TSC22D1: variants seen among roughly 807,000 people sequenced by gnomAD.
TSC22D1 encodes the protein TSC22 domain family protein 1.
In TSC22D1, 9 loss-of-function variants were observed where a neutral mutation model predicts 74.2. That is an observed-to-expected ratio of 0.12 (90% confidence interval 0.07 to 0.21). TSC22D1 has a LOEUF of 0.21. Ranked by LOEUF, TSC22D1 falls within the 10% of genes least tolerant of loss-of-function variation. The pLI is 1.00. For synonymous variants in TSC22D1, 586 were observed against 492.5 expected (o/e 1.19, Z -2.51); for missense variants, 1,427 against 1,304.7 (o/e 1.09, Z -1.44).
At position 44,573,942 on chromosome 13, in the gene TSC22D1, C is replaced by G. The variant is rs778679380; in HGVS notation, c.2133G>C (p.Gln711His). 2 of 1,614,172 alleles carry G rather than the reference C, an allele frequency of 1.2e-6. No individual in the cohort carries two copies. The highest frequency in any genetic ancestry group is 1.7e-6 in the Non-Finnish European group (2 of 1,180,044). ...CTGCTGCCGGAGCCTGGCCAACAGG[C>G]TGGACAGATGCCCCTGCAGGTTGTG... The part of the protein sequence containing the change: ...VPAQPAGASV[Q>H]PVGQAPAAVS... The change falls in exon 1 of 3, where the codon CAG (glutamine) becomes CAC (histidine). Residue 711 changes from glutamine to histidine, a missense_variant. Physicochemically the swap from Gln to His is conservative, Grantham distance 24. This residue lies in a region of TSC22D1 where 1,343 missense variants were observed against 1,191.5 expected (regional missense o/e 1.13). Coordinates refer to ENST00000458659, the MANE Select transcript of TSC22D1 (RefSeq NM_183422.4).
intron 1 of TSC22D1, among the ~76,000 whole-genome samples, chr13:44,541,515 T>C (rs1881465981): frequency 6.6e-6 from 1 of 152,200 alleles, no homozygotes; most frequent in Admixed American, 6.5e-5. Context: ...CAAATAATTA[T>C]GAAAGTACTT....
intron 1 of TSC22D1, among the ~76,000 whole-genome samples, chr13:44,552,409 G>A (rs183454375): frequency 3.0e-4 from 45 of 152,288 alleles, no homozygotes; most frequent in African/African-American, 1.1e-3. Context: ...ATTGAAGCAC[G>A]TAACAAACTG....
chr13:44,519,344 G>A (rs1029025294), intron 1 of TSC22D1, among the ~76,000 whole-genome samples: 40 of 152,038 alleles, frequency 2.6e-4, no homozygotes, highest in African/African-American at 7.7e-4. Flanking sequence ...ATGCTAATAA[G>A]CAATGGCAAA....
chr13:44,553,194 G>GT (rs1189691082), intron 1 of TSC22D1, among the ~76,000 whole-genome samples: 2 of 152,168 alleles, frequency 1.3e-5, no homozygotes, highest in East Asian at 3.9e-4. Context: ...CTCCAGGTCA[G>GT]TAACAGGTAT....
chr13:44,517,663 G>A (rs1414542028), intron 1 of TSC22D1, among the ~76,000 whole-genome samples: 2 of 147,260 alleles, frequency 1.4e-5, no homozygotes, highest in Non-Finnish European at 3.0e-5. Flanking sequence ...TGGCCAACAT[G>A]GTGAAACCCT....
chr13:44,549,559 G>C (rs937715727), intron 1 of TSC22D1, among the ~76,000 whole-genome samples: 2 of 152,070 alleles, frequency 1.3e-5, no homozygotes, highest in Admixed American at 1.3e-4. Flanking sequence ...GATCTCTTGA[G>C]CTCAGGAGTT....
intron 1 of TSC22D1, among the ~76,000 whole-genome samples, chr13:44,446,158 C>T (rs1875623504): frequency 1.3e-5 from 2 of 152,280 alleles, no homozygotes; most frequent in Admixed American, 1.3e-4. Flanking sequence ...TACATCTAGA[C>T]AATGCAATAA....
chr13:44,489,140 T>C (rs1275376136), intron 1 of TSC22D1, among the ~76,000 whole-genome samples: 1 of 151,140 alleles, frequency 6.6e-6, no homozygotes, highest in Non-Finnish European at 1.5e-5. Context: ...TTTCAAATAT[T>C]GGTGCTGAGT....
chr13:44,519,777 C>T (rs1052809454), intron 1 of TSC22D1, among the ~76,000 whole-genome samples: 8 of 151,948 alleles, frequency 5.3e-5, no homozygotes, highest in African/African-American at 1.9e-4. Flanking sequence ...CTCTTGCATC[C>T]AAGTTAGGAA....
rs550473436 is a variant in TSC22D1 at position 44,575,063 on chromosome 13, T to C, written c.1012A>G (p.Ile338Val). The change falls in exon 1 of 3, where the codon ATA becomes GTA. Residue 338 changes from isoleucine to valine, a missense_variant. Physicochemically the swap from Ile to Val is conservative, Grantham distance 29. Transcript: ENST00000458659. ...VTSSMLGNVN[I>V]STSNIPSAAG... ...GCACTAGGAATATTGCTTGTACTTA[T>C]ATTAACATTACCAAGCATGCTGCTT... The C allele has an allele frequency of 1.5e-5, 24 of 1,614,200 alleles. No homozygotes were observed. The highest frequency in any genetic ancestry group is 8.8e-5 in the South Asian group (8 of 91,084).
chr13:44,535,333 A>C lies in TSC22D1; in HGVS notation c.2912+37830T>G, dbSNP rs1252864835. Among the ~76,000 whole-genome samples, 4 of 152,216 alleles carry C rather than the reference A, an allele frequency of 2.6e-5. No homozygotes were observed. The East Asian group carries it at 7.7e-4, about 29-fold the overall frequency. On this transcript the variant is annotated intron_variant, in intron 1 of 2. Coordinates refer to ENST00000458659, the MANE Select transcript of TSC22D1 (RefSeq NM_183422.4). ...TAATGCAGTAATCTAATTACCTTAGATGTACATATTAGTGGAAAAAACACT... is the reference window on the plus strand; with the variant it reads ...TAATGCAGTAATCTAATTACCTTAGCTGTACATATTAGTGGAAAAAACACT...
chr13:44,555,509 G>A (rs1320294601), intron 1 of TSC22D1, among the ~76,000 whole-genome samples: 3 of 152,150 alleles, frequency 2.0e-5, no homozygotes, highest in Non-Finnish European at 4.4e-5. Context: ...AGGAGGCTGA[G>A]GCGGGAGAAC....
At chr13:44,506,371 C>T (rs915915932) in intron 1 of TSC22D1, among the ~76,000 whole-genome samples, 5 of 152,132 alleles carry the variant, frequency 3.3e-5, no homozygotes, top group South Asian at 2.1e-4. Context: ...CCTCACCAAA[C>T]TAATGCAGGA....
At chr13:44,537,222 G>C (rs1881201731) in intron 1 of TSC22D1, 1 of 896,804 alleles carries the variant, frequency 1.1e-6, no homozygotes, top group African/African-American at 1.8e-5. Flanking sequence ...GAAAAATATA[G>C]GACTTCATTT....
At chr13:44,488,089 A>G (rs1259370686) in intron 1 of TSC22D1, among the ~76,000 whole-genome samples, 1 of 152,198 alleles carries the variant, frequency 6.6e-6, no homozygotes, top group Non-Finnish European at 1.5e-5. Flanking sequence ...CTTTAATAAC[A>G]TAAAAGATAT....
intron 1 of TSC22D1, among the ~76,000 whole-genome samples, chr13:44,513,212 T>C (rs986820235): frequency 1.3e-5 from 2 of 152,234 alleles, no homozygotes; most frequent in Non-Finnish European, 2.9e-5. Flanking sequence ...GTCTTTATCC[T>C]ATTAAGTGAG....
chr13:44,532,620 C>A (rs780386888), intron 1 of TSC22D1, among the ~76,000 whole-genome samples: 8 of 151,972 alleles, frequency 5.3e-5, no homozygotes, highest in Non-Finnish European at 8.8e-5. Context: ...ACTATAGGCG[C>A]ACGCCACCAT....
intron 1 of TSC22D1, among the ~76,000 whole-genome samples, chr13:44,560,331 T>C (rs1187195861): frequency 6.6e-6 from 1 of 152,176 alleles, no homozygotes; most frequent in Non-Finnish European, 1.5e-5. Flanking sequence ...GGGATCTTCA[T>C]TATACCTAAA....
intron 1 of TSC22D1, among the ~76,000 whole-genome samples, chr13:44,515,063 G>A (rs964560053): frequency 6.6e-5 from 10 of 151,762 alleles, no homozygotes; most frequent in African/African-American, 2.4e-4. Context: ...CTCCTATAGA[G>A]GGCAATTTGA....
Sources: gnomAD v4.1 joint callset for allele counts (sites outside exome capture counted in the v4.1 genomes callset) on GRCh38, gnomAD v4.1.1 for gene constraint, gnomAD v4.1.1 regional missense constraint, MANE v1.5 for transcripts, NCBI Gene and HGNC (gene_info 2026-07-23, HGNC 2026-07-21) for gene names.